PRKG1: variants seen among roughly 807,000 people sequenced by gnomAD.
The protein encoded by PRKG1 is cGMP-dependent protein kinase 1.
Under a neutral mutation model 88.1 loss-of-function variants are expected in PRKG1, and 35 were observed. The observed-to-expected ratio is 0.40, with a 90% CI of 0.30 to 0.53. The LOEUF (loss-of-function observed/expected upper bound fraction) is 0.53, where lower values mean the gene tolerates loss of function less well. PRKG1 is among the 20% of genes least tolerant of loss of function. The probability of loss-of-function intolerance (pLI) is 0.59; values close to 1 mark genes in which losing one functional copy is unlikely to be tolerated. For missense variants in PRKG1, 540 were observed against 839.8 expected, an observed-to-expected ratio of 0.64 and a Z score of 4.41; for synonymous variants, 303 against 292.5, an observed-to-expected ratio of 1.04 and a Z score of -0.37.
At chr10:51,169,795 C>T (rs750332968) in intron 2 of PRKG1, among the ~76,000 whole-genome samples, 4 of 151,984 alleles carry the variant, frequency 2.6e-5, no homozygotes, top group Non-Finnish European at 5.9e-5. Flanking sequence ...TTAGTCATTC[C>T]TTCCTCATTT....
chr10:51,508,554 T>TA (rs1243180389), intron 3 of PRKG1, among the ~76,000 whole-genome samples: 48 of 150,972 alleles, frequency 3.2e-4, no homozygotes, highest in African/African-American at 5.8e-4. Flanking sequence ...ATGACTTTTT[T>TA]TAAAAAAAAA....
chr10:51,440,155 C>T lies in PRKG1; in HGVS notation c.479-27568C>T, dbSNP rs555858446. Among the ~76,000 whole-genome samples the T allele has an allele frequency of 9.2e-5, 14 of 151,792 alleles. No homozygotes were observed. In the South Asian group the frequency reaches 1.0e-3, roughly 11 times the overall value. On this transcript the variant is annotated intron_variant, in intron 2 of 17. Coordinates refer to ENST00000373980, the MANE Select transcript of PRKG1 (RefSeq NM_006258.4). ...TCTTTTGACGTTGAGTATGATACTC[C>T]GTTCAATCTTTCATGCTGTGTCTTA...
At chr10:52,094,823 T>C (rs1406465151) in intron 7 of PRKG1, among the ~76,000 whole-genome samples, 2 of 152,148 alleles carry the variant, frequency 1.3e-5, no homozygotes, top group East Asian at 3.8e-4. Flanking sequence ...CATGGCCTCA[T>C]GTAGAGCTAA....
At chr10:51,023,701 T>C (rs1486375728) in intron 1 of PRKG1, among the ~76,000 whole-genome samples, 1 of 152,218 alleles carries the variant, frequency 6.6e-6, no homozygotes, top group African/African-American at 2.4e-5. Context: ...GCATTTTCTC[T>C]AGGTTCTCAA....
intron 5 of PRKG1, among the ~76,000 whole-genome samples, chr10:51,978,353 C>A (rs1843902191): frequency 6.6e-6 from 1 of 150,882 alleles, no homozygotes; most frequent in South Asian, 2.1e-4. Flanking sequence ...GTTACTGTAG[C>A]CCTGTAGTAT....
chr10:51,635,884 A>T (rs1301401890), intron 3 of PRKG1, among the ~76,000 whole-genome samples: 2 of 152,206 alleles, frequency 1.3e-5, no homozygotes, highest in Admixed American at 1.3e-4. Context: ...AATAAAAATG[A>T]TAAATCTTCA....
At position 52,282,303 on chromosome 10, in the gene PRKG1, C is replaced by T. The variant is rs1842018769; in HGVS notation, c.1696C>T (p.Leu566Phe). 1 of 1,599,116 alleles carries T rather than the reference C, an allele frequency of 6.3e-7. No individual in the cohort carries two copies. ...YWSLGILMYE[L>F]LTGSPPFSGP... ...GTCACTGGGAATCCTAATGTATGAA[C>T]TCCTGACTGGCAGGTATGGATATTG... Residue 566 changes from leucine (L) to phenylalanine (F), a missense_variant, in exon 14 of 18, where the codon CTC (leucine) becomes TTC (phenylalanine). By Grantham distance (22) the Leu-to-Phe change is conservative (BLOSUM62 0). This residue lies in a region of PRKG1 where 97 missense variants were observed against 210.6 expected (regional missense o/e 0.46). Coordinates refer to ENST00000373980, the MANE Select transcript of PRKG1 (RefSeq NM_006258.4).
chr10:51,647,687 T>C (rs991120723), intron 3 of PRKG1, among the ~76,000 whole-genome samples: 1 of 152,202 alleles, frequency 6.6e-6, no homozygotes. Context: ...TCGTTGTTGA[T>C]TTTTTAAGTC....
At chr10:51,851,470 T>G (rs1840553274) in intron 4 of PRKG1, among the ~76,000 whole-genome samples, 1 of 152,116 alleles carries the variant, frequency 6.6e-6, no homozygotes, top group South Asian at 2.1e-4. Flanking sequence ...CCATCAACAG[T>G]GTTGAGACTG....
At chr10:51,844,280 C>T (rs1185726130) in intron 4 of PRKG1, among the ~76,000 whole-genome samples, 1 of 151,838 alleles carries the variant, frequency 6.6e-6, no homozygotes, top group South Asian at 2.1e-4. Context: ...CTTCTAATTA[C>T]AGAAATGTCA....
chr10:51,121,734 C>A (rs2131916577), intron 1 of PRKG1, among the ~76,000 whole-genome samples: 1 of 152,234 alleles, frequency 6.6e-6, no homozygotes, highest in South Asian at 2.1e-4. Context: ...TGAGAATATG[C>A]ATATCTATTT....
At chr10:52,177,073 T>C (rs754318955) in intron 9 of PRKG1, among the ~76,000 whole-genome samples, 1 of 152,082 alleles carries the variant, frequency 6.6e-6, no homozygotes, top group African/African-American at 2.4e-5. Flanking sequence ...ATTGGTGAGG[T>C]TGAGTATCCT....
At chr10:51,127,391 A>G (rs1449315199) in intron 1 of PRKG1, among the ~76,000 whole-genome samples, 1 of 152,202 alleles carries the variant, frequency 6.6e-6, no homozygotes, top group African/African-American at 2.4e-5. Context: ...AGAAATGCAA[A>G]TCAAAACCAT....
intron 7 of PRKG1, among the ~76,000 whole-genome samples, chr10:52,091,596 T>A (rs12571672): frequency 0.062 from 9,466 of 152,292 alleles, 496 homozygotes; most frequent in East Asian, 0.3. Flanking sequence ...AAGTGTCCCC[T>A]TTGACTAATA....
At chr10:51,398,448 T>C (rs1837640849) in intron 2 of PRKG1, among the ~76,000 whole-genome samples, 2 of 152,168 alleles carry the variant, frequency 1.3e-5, no homozygotes, top group African/African-American at 4.8e-5. Context: ...GGTCATGGAC[T>C]GATATGGGGT....
chr10:51,409,438 G>A (rs1195904946), intron 2 of PRKG1, among the ~76,000 whole-genome samples: 3 of 152,098 alleles, frequency 2.0e-5, no homozygotes, highest in African/African-American at 4.8e-5. Context: ...CGCACAACCC[G>A]CTTTATGGCT....
chr10:52,191,470 G>T (rs1264571195), intron 9 of PRKG1, among the ~76,000 whole-genome samples: 1 of 151,946 alleles, frequency 6.6e-6, no homozygotes, highest in African/African-American at 2.4e-5. Context: ...ACATGGCCTG[G>T]GTTGTTAAAG....
chr10:51,919,469 T>C (rs1842415925), intron 5 of PRKG1, among the ~76,000 whole-genome samples: 1 of 152,142 alleles, frequency 6.6e-6, no homozygotes, highest in African/African-American at 2.4e-5. Flanking sequence ...TAAAAATTAT[T>C]ATTTTAATAA....
At chr10:51,553,344 C>T (rs1366600904) in intron 3 of PRKG1, among the ~76,000 whole-genome samples, 1 of 151,638 alleles carries the variant, frequency 6.6e-6, no homozygotes. Context: ...GTTATTTAAT[C>T]ATTTTATTTG....
Sources: gnomAD v4.1 joint callset for allele counts (sites outside exome capture counted in the v4.1 genomes callset) on GRCh38, gnomAD v4.1.1 for gene constraint, gnomAD v4.1.1 regional missense constraint, MANE v1.5 for transcripts, NCBI Gene and HGNC (gene_info 2026-07-23, HGNC 2026-07-21) for gene names.